Variants in NKAIN2 observed in about 807,000 individuals in gnomAD.
NKAIN2 encodes the protein sodium/potassium transporting ATPase interacting 2, also known as sodium/potassium-transporting ATPase subunit beta-1-interacting protein 2.
In NKAIN2, 14 loss-of-function variants were observed where a neutral mutation model predicts 32.6. The ratio of observed to expected loss-of-function variants is 0.43; its 90% CI spans 0.28 to 0.67. The LOEUF (loss-of-function observed/expected upper bound fraction) is 0.67. Among genes scored for constraint, NKAIN2 ranks in the 30% least tolerant of loss-of-function variants. The pLI, the probability that NKAIN2 is intolerant of heterozygous loss-of-function variation, is 0.17. For synonymous variants in NKAIN2, 80 were observed against 87.2 expected (o/e 0.92, Z 0.46); for missense variants, 198 against 258.3 (o/e 0.77, Z 1.60).
intron 4 of NKAIN2, among the ~76,000 whole-genome samples, chr6:124,781,866 T>C (rs1459171402): frequency 6.6e-6 from 1 of 152,084 alleles, no homozygotes; most frequent in African/African-American, 2.4e-5. Context: ...CGATTCAGTA[T>C]TGTGCCTTTT....
At chr6:124,121,135 A>T (rs1381842300) in intron 1 of NKAIN2, among the ~76,000 whole-genome samples, 1 of 152,114 alleles carries the variant, frequency 6.6e-6, no homozygotes, top group Non-Finnish European at 1.5e-5. Flanking sequence ...AGATATGCCT[A>T]AACTCCCTTT....
rs182916420 is a variant in NKAIN2 at position 124,447,408 on chromosome 6, A to G, written c.273+92061A>G. ...AAGTTTTGTTTGATGTTTTCATGAAAGAAGGATGGAAATGCCTTAACCAGT... is the reference window on the plus strand; with the variant it reads ...AAGTTTTGTTTGATGTTTTCATGAAGGAAGGATGGAAATGCCTTAACCAGT... On this transcript the variant is annotated intron_variant, in intron 3 of 6. Coordinates refer to ENST00000368417, the MANE Select transcript of NKAIN2 (RefSeq NM_001040214.3). 3.2e-4 allele frequency among the ~76,000 whole-genome samples: 49 copies of G among 152,272 alleles called. 2 individuals carry two copies. Among genetic ancestry groups the G allele is most frequent in the Middle Eastern group, 3.4e-3 (1 of 294 alleles).
At chr6:124,641,556 TTTTTTTTTTTTTTG>T (rs1783992334) in intron 3 of NKAIN2, among the ~76,000 whole-genome samples, 1 of 113,296 alleles carries the variant, frequency 8.8e-6, no homozygotes, top group African/African-American at 3.7e-5. Context: ...TTTTTTTTTT[TTTTTTTTTTTTTTG>T]AGACAGTGTC....
At chr6:124,444,317 T>C (rs1363885232) in intron 3 of NKAIN2, among the ~76,000 whole-genome samples, 1 of 152,052 alleles carries the variant, frequency 6.6e-6, no homozygotes, top group Non-Finnish European at 1.5e-5. Flanking sequence ...ATCTGGCACA[T>C]AGTATAAATT....
chr6:124,404,656 A>G (rs1178828707), intron 3 of NKAIN2, among the ~76,000 whole-genome samples: 1 of 152,070 alleles, frequency 6.6e-6, no homozygotes. Flanking sequence ...AGAGTAATGG[A>G]ATTAAAAATT....
At position 123,909,131 on chromosome 6, in the gene NKAIN2, C is replaced by T. The variant is rs141745762; in HGVS notation, c.54+104877C>T. ...AAAATCTCACTACCCTGATTCTCTC[C>T]GCACCTTCTACTTCTAACCTGTCTC... On this transcript the variant is annotated intron_variant, in intron 1 of 6. Coordinates refer to ENST00000368417, the MANE Select transcript of NKAIN2 (RefSeq NM_001040214.3). 7.9e-4 allele frequency among the ~76,000 whole-genome samples: 120 copies of T among 152,022 alleles called. 1 individual carries two copies. The highest frequency in any genetic ancestry group is 2.7e-3 in the African/African-American group (113 of 41,482).
intron 1 of NKAIN2, among the ~76,000 whole-genome samples, chr6:123,943,441 C>T (rs1389877054): frequency 6.6e-6 from 1 of 151,940 alleles, no homozygotes; most frequent in African/African-American, 2.4e-5. Context: ...TTTAAGAATC[C>T]TAGTATTCTC....
intron 1 of NKAIN2, among the ~76,000 whole-genome samples, chr6:123,925,463 ACT>A (rs1442021939): frequency 6.6e-6 from 1 of 151,990 alleles, no homozygotes; most frequent in African/African-American, 2.4e-5. Context: ...TTATGAATAG[ACT>A]CTGACTGATT....
intron 4 of NKAIN2, among the ~76,000 whole-genome samples, chr6:124,687,273 TATAG>T (rs200045557): frequency 0.054 from 7,605 of 141,944 alleles, 265 homozygotes; most frequent in African/African-American, 0.097. Flanking sequence ...TCTCTCTATA[TATAG>T]AGAGAGAATA....
At chr6:124,299,987 C>A (rs1300410186) in intron 2 of NKAIN2, among the ~76,000 whole-genome samples, 7 of 152,202 alleles carry the variant, frequency 4.6e-5, no homozygotes, top group African/African-American at 1.7e-4. Context: ...TGGCATATCT[C>A]AAATCAGCTT....
intron 1 of NKAIN2, among the ~76,000 whole-genome samples, chr6:124,007,146 A>G (rs948139439): frequency 5.3e-5 from 8 of 152,174 alleles, no homozygotes; most frequent in Non-Finnish European, 1.0e-4. Context: ...TGTGCTGAAT[A>G]TTGTAGGAAA....
At chr6:124,181,892 A>T (rs1422902321) in intron 1 of NKAIN2, among the ~76,000 whole-genome samples, 2 of 151,828 alleles carry the variant, frequency 1.3e-5, no homozygotes, top group Non-Finnish European at 2.9e-5. Flanking sequence ...AACTGTTCCA[A>T]CCTCTTCCTG....
chr6:124,293,772 T>A (rs1795923068), intron 2 of NKAIN2, among the ~76,000 whole-genome samples: 1 of 152,186 alleles, frequency 6.6e-6, no homozygotes, highest in South Asian at 2.1e-4. Flanking sequence ...ATACCCTTTT[T>A]TGCTCATTTC....
intron 1 of NKAIN2, among the ~76,000 whole-genome samples, chr6:124,272,076 A>C (rs1289429972): frequency 6.6e-6 from 1 of 152,194 alleles, no homozygotes. Flanking sequence ...AAAATTCAAA[A>C]ATTTGCAGCC....
chr6:123,845,174 G>T (rs755723473), intron 1 of NKAIN2, among the ~76,000 whole-genome samples: 1 of 152,102 alleles, frequency 6.6e-6, no homozygotes, highest in Non-Finnish European at 1.5e-5. Flanking sequence ...TCTATTTGCT[G>T]GTAGCTTGCT....
intron 2 of NKAIN2, among the ~76,000 whole-genome samples, chr6:124,338,533 G>GA (rs1797976053): frequency 1.3e-5 from 2 of 151,938 alleles, no homozygotes; most frequent in Admixed American, 1.3e-4. Flanking sequence ...TATTTGATTA[G>GA]GTATATTTTT....
intron 1 of NKAIN2, among the ~76,000 whole-genome samples, chr6:124,175,316 G>A (rs1363407588): frequency 6.6e-6 from 1 of 152,020 alleles, no homozygotes; most frequent in East Asian, 1.9e-4. Context: ...TATTTGTAGG[G>A]AAAAAAAGAA....
intron 1 of NKAIN2, among the ~76,000 whole-genome samples, chr6:124,009,151 G>A (rs1475108926): frequency 1.3e-5 from 2 of 152,058 alleles, no homozygotes; most frequent in African/African-American, 2.4e-5. Flanking sequence ...CCCTCTTGCT[G>A]TAATTTGAGG....
At chr6:124,099,812 A>G (rs930538741) in intron 1 of NKAIN2, among the ~76,000 whole-genome samples, 1 of 152,200 alleles carries the variant, frequency 6.6e-6, no homozygotes, top group Non-Finnish European at 1.5e-5. Context: ...GCAACAAAGA[A>G]TTATCCAACC....
Sources: allele counts gnomAD v4.1 joint callset (sites outside exome capture counted in the v4.1 genomes callset), GRCh38; gene constraint gnomAD v4.1.1; transcripts MANE v1.5; gene names NCBI Gene and HGNC (gene_info 2026-07-23, HGNC 2026-07-21).